Variants in ANKRD31 observed in about 807,000 individuals in gnomAD.
ANKRD31 encodes ankyrin repeat domain-containing protein 31.
In ANKRD31, 147 loss-of-function variants were observed where a neutral mutation model predicts 186.0. The ratio of observed to expected loss-of-function variants is 0.79; its 90% CI spans 0.69 to 0.91. The LOEUF (loss-of-function observed/expected upper bound fraction) is 0.91. Ranked by LOEUF, ANKRD31 falls within the 40% of genes least tolerant of loss-of-function variation. The probability of loss-of-function intolerance (pLI) is 0.00; values close to 1 mark genes in which losing one functional copy is unlikely to be tolerated. For synonymous variants in ANKRD31, 673 were observed against 736.4 expected (o/e 0.91, Z 1.39); for missense variants, 1,986 against 2,148.8 (o/e 0.92, Z 1.50).
Position 75,199,639 on chromosome 5 carries a change from T to C in ANKRD31, c.439A>G (p.Ile147Val), listed in dbSNP as rs1442982495. Residue 147 changes from isoleucine to valine, a missense_variant, in exon 6 of 26, where the codon ATA becomes GTA. Ile to Val is a conservative substitution (Grantham distance 29). Coordinates refer to ENST00000506364, the MANE Select transcript of ANKRD31 (RefSeq NM_001372053.1). The stretch of plus-strand genomic sequence containing the variant: ...CTGTTATACAGACCAACCTTTTCTA[T>C]GTGTGGCAAAACTTCAGGACTTTCA... The part of the protein sequence containing the change: ...EAESPEVLPH[I>V]EKELSEGRDS... 5.9e-6 allele frequency: 9 copies of C among 1,532,406 alleles called. No individual in the cohort carries two copies. The African/African-American group carries it at 6.9e-5, about 12-fold the overall frequency. 94.9% of individuals were successfully genotyped at this position (1,532,406 alleles called of 1,614,324 possible).
chr5:75,068,725 G>A (rs1371493499), intron 25 of ANKRD31, 61 bp from the exon 26 acceptor site: 7 of 1,419,698 alleles, frequency 4.9e-6, no homozygotes, highest in South Asian at 1.6e-5. Context: ...TGTAAATTTT[G>A]CTATTACAAA....
chr5:75,163,133 T>G (rs60342717), intron 11 of ANKRD31, among the ~76,000 whole-genome samples: 7,423 of 152,274 alleles, frequency 0.049, 394 homozygotes, highest in African/African-American at 0.13. Flanking sequence ...TATATTCCAT[T>G]AGGGATGAAG....
chr5:75,233,617 A>G (rs1758081134), intron 1 of ANKRD31, among the ~76,000 whole-genome samples: 1 of 152,124 alleles, frequency 6.6e-6, no homozygotes, highest in African/African-American at 2.4e-5. Flanking sequence ...CATTATGCCA[A>G]TAAAAGTACC....
chr5:75,076,463 T>C (rs1336442780), intron 25 of ANKRD31, among the ~76,000 whole-genome samples: 4 of 152,178 alleles, frequency 2.6e-5, no homozygotes, highest in Admixed American at 6.5e-5. Flanking sequence ...AAGAGATGCA[T>C]AGGACAAGGA....
intron 5 of ANKRD31, among the ~76,000 whole-genome samples, chr5:75,203,328 T>C (rs918551154): frequency 6.6e-6 from 1 of 152,098 alleles, no homozygotes; most frequent in East Asian, 1.9e-4. Flanking sequence ...AAAATAAAAA[T>C]ACATTTTTGT....
chr5:75,199,507 T>A (rs1755677907), intron 6 of ANKRD31, 124 bp downstream of exon 6: 1 of 549,426 alleles, frequency 1.8e-6, no homozygotes. Flanking sequence ...TAGATTTTTA[T>A]CTACCGAAAT....
chr5:75,150,655 A>G (rs1751778034), intron 12 of ANKRD31, among the ~76,000 whole-genome samples: 1 of 151,982 alleles, frequency 6.6e-6, no homozygotes, highest in Admixed American at 6.6e-5. Context: ...TTGGGTAGGA[A>G]TAGATTAAAG....
intron 10 of ANKRD31, among the ~76,000 whole-genome samples, chr5:75,179,854 T>C (rs1304442617): frequency 6.6e-6 from 1 of 152,130 alleles, no homozygotes; most frequent in African/African-American, 2.4e-5. Context: ...ACCACTCCTA[T>C]TCAACATACT....
chr5:75,207,821 CT>C (rs1756354438), intron 4 of ANKRD31, among the ~76,000 whole-genome samples: 1 of 151,684 alleles, frequency 6.6e-6, no homozygotes, highest in South Asian at 2.1e-4. Context: ...TTTTTTATTT[CT>C]TTAAATGAAC....
At chr5:75,189,714 C>G (rs1662960049) in intron 9 of ANKRD31, among the ~76,000 whole-genome samples, 1 of 152,128 alleles carries the variant, frequency 6.6e-6, no homozygotes, top group Non-Finnish European at 1.5e-5. Flanking sequence ...AGCATTTAAT[C>G]TTTCACAATT....
chr5:75,231,862 C>T (rs902048582), intron 1 of ANKRD31, among the ~76,000 whole-genome samples: 2 of 151,418 alleles, frequency 1.3e-5, no homozygotes, highest in African/African-American at 4.9e-5. Context: ...TATGATCAGG[C>T]CATTGCACTC....
chr5:75,216,760 T>C (rs775520490), intron 3 of ANKRD31, among the ~76,000 whole-genome samples: 2 of 152,114 alleles, frequency 1.3e-5, no homozygotes, highest in African/African-American at 4.8e-5. Context: ...TTAGCTAACT[T>C]ACTTATGCCA....
chr5:75,135,604 T>C (rs796923969), intron 17 of ANKRD31, among the ~76,000 whole-genome samples: 6 of 152,144 alleles, frequency 3.9e-5, no homozygotes, highest in Non-Finnish European at 8.8e-5. Flanking sequence ...AGGTAATTTA[T>C]AGATTCAATG....
At chr5:75,222,009 C>A (rs942364063) in intron 3 of ANKRD31, among the ~76,000 whole-genome samples, 1 of 152,028 alleles carries the variant, frequency 6.6e-6, no homozygotes, top group African/African-American at 2.4e-5. Context: ...GGTCAGCATC[C>A]CTAACTCCCA....
At chr5:75,137,775 T>C in intron 17 of ANKRD31, 81 bp downstream of exon 17, 1 of 1,235,218 alleles carries the variant, frequency 8.1e-7, no homozygotes, top group Non-Finnish European at 1.0e-6. Context: ...ATCATTTTAG[T>C]TCTCAGTTTA....
At chr5:75,071,888 G>A (rs1744262405) in intron 25 of ANKRD31, among the ~76,000 whole-genome samples, 1 of 152,212 alleles carries the variant, frequency 6.6e-6, no homozygotes, top group African/African-American at 2.4e-5. Flanking sequence ...CCTAGACGTG[G>A]TGCCAAAGGT....
rs147665769 is a variant in ANKRD31 at position 75,179,513 on chromosome 5, G to A, written c.1564+8980C>T. 1.3e-3 allele frequency among the ~76,000 whole-genome samples: 205 copies of A among 152,276 alleles called. No individual in the cohort carries two copies. The Middle Eastern group carries it at 0.014, about 10-fold the overall frequency. On this transcript the variant is annotated intron_variant, in intron 10 of 25. Transcript: ENST00000506364. ...AAATACTGGCAAACCGAATCCAACA[G>A]CACATCAAAAAGTTTATCCACTATG...
intron 20 of ANKRD31, among the ~76,000 whole-genome samples, chr5:75,109,364 C>T (rs1209061850): frequency 1.1e-4 from 17 of 152,098 alleles, no homozygotes; most frequent in Non-Finnish European, 4.4e-5. Flanking sequence ...CAAAATGGGA[C>T]TCATTACTCA....
intron 20 of ANKRD31, among the ~76,000 whole-genome samples, chr5:75,109,395 G>A (rs1747588443): frequency 6.6e-6 from 1 of 152,154 alleles, no homozygotes; most frequent in Non-Finnish European, 1.5e-5. Flanking sequence ...CCAGATCAAA[G>A]CTATCACAAG....
Sources: allele counts gnomAD v4.1 joint callset (sites outside exome capture counted in the v4.1 genomes callset), GRCh38; gene constraint gnomAD v4.1.1; transcripts MANE v1.5; gene names NCBI Gene and HGNC (gene_info 2026-07-23, HGNC 2026-07-21).